Variants in NOTCH3 observed in about 807,000 individuals in gnomAD.
NOTCH3 encodes notch receptor 3.
Under a neutral mutation model 213.3 loss-of-function variants are expected in NOTCH3, and 86 were observed. The observed-to-expected ratio is 0.40, with a 90% CI of 0.34 to 0.48. The LOEUF (loss-of-function observed/expected upper bound fraction) is 0.48. Among genes scored for constraint, NOTCH3 ranks in the 20% least tolerant of loss-of-function variants. The pLI, the probability that NOTCH3 is intolerant of heterozygous loss-of-function variation, is 0.57. For missense variants in NOTCH3, 2,783 were observed against 3,272.6 expected (o/e 0.85, Z 3.65); for synonymous variants, 1,354 against 1,355.9 (o/e 1.00, Z 0.03).
rs10406745 is a variant in NOTCH3, at chr19:15,185,592, C to G, written c.2039G>C (p.Arg680Pro). ...CAAGGAGCCAGGCGGGCAGAGGCAG[C>G]GGAAGCCATTTTCCCCATCCACACA... ...GSCVDGENGF[R>P]CLCPPGSLPP... is the part of the protein sequence containing the mutation. Residue 680 changes from arginine to proline, a missense_variant, in exon 13 of 33, where the codon CGC (arginine) becomes CCC (proline). Around this residue, in one of 6 missense-constraint regions of NOTCH3, gnomAD observed 861 missense variants for 909.1 expected, o/e 0.95. Coordinates refer to ENST00000263388, the MANE Select transcript of NOTCH3 (RefSeq NM_000435.3). This position sits in a 1 kb window ranked among gnomAD's most constrained non-coding sequence, Gnocchi z 4.2. The G allele has an allele frequency of 3.7e-6, 6 of 1,613,490 alleles. No homozygotes were observed. Among genetic ancestry groups the G allele is most frequent in the Non-Finnish European group, 5.1e-6 (6 of 1,180,006 alleles).
rs1463936723 is a variant in NOTCH3 at position 15,159,343 on chromosome 19, C to G, written c.*1319G>C. 1.2e-5 allele frequency: 2 copies of G among 162,904 alleles called. No individual in the cohort carries two copies. Among genetic ancestry groups the G allele is most frequent in the Non-Finnish European group, 2.7e-5 (2 of 74,286 alleles). The allele number at this position is 162,904 out of a possible 1,614,324, so 10.1% of individuals were successfully genotyped here. A position where few individuals can be genotyped will look rare whatever the true frequency, so the allele number is the denominator to read the frequency against. ...TCTTTGCCCACCACCTCGAATTGGCCACTGATATTTCTAAATCTGATTGTG... is the reference window on the plus strand; with the variant it reads ...TCTTTGCCCACCACCTCGAATTGGCGACTGATATTTCTAAATCTGATTGTG... On this transcript the variant is annotated 3_prime_UTR_variant, in exon 33 of 33. Transcript: ENST00000263388.
At position 15,171,643 on chromosome 19, in the gene NOTCH3, C is replaced by T. The variant is rs181890716; in HGVS notation, c.4737-818G>A. ...CTCCCAATGTGCTGGGTTTACAGGC[C>T]TGGGCCACTACGCCCAGCCAAGGGA... On this transcript the variant is annotated intron_variant, in intron 25 of 32. Transcript: ENST00000263388. Among the ~76,000 whole-genome samples, 607 of 152,234 alleles carry T rather than the reference C, an allele frequency of 4.0e-3. 7 individuals carry two copies. Among genetic ancestry groups the T allele is most frequent in the Middle Eastern group, 0.02 (6 of 294 alleles).
Position 15,170,344 on chromosome 19 carries a change from C to T in NOTCH3, c.5101G>A (p.Ala1701Thr). Residue 1701 changes from alanine to threonine, a missense_variant, in exon 27 of 33, where the codon GCG becomes ACG. By Grantham distance (58) the Ala-to-Thr change is moderately conservative. Transcript: ENST00000263388. ...CAGGGTTCTCACTTCATGCCCAGCG[C>T]GTCCTGGCCCACGGGTTCCCGCCGG... is the stretch of plus-strand genomic sequence containing the variant. ...KGRREPVGQD[A>T]LGMKNMAKGE... The T allele has an allele frequency of 4.3e-6, 7 of 1,613,234 alleles. No homozygotes were observed. Among genetic ancestry groups the T allele is most frequent in the Non-Finnish European group, 5.9e-6 (7 of 1,179,818 alleles).
Position 15,178,839 on chromosome 19 carries a change from G to A in NOTCH3, c.3821C>T (p.Thr1274Ile), listed in dbSNP as rs764309761. Reference sequence around the variant, plus strand: ...CACACCTACCTGGGCACAGTGACAGGTGAAGGTCAGCCCACCCCCAGGACC... The same window carrying A: ...CACACCTACCTGGGCACAGTGACAGATGAAGGTCAGCCCACCCCCAGGACC... The part of the protein sequence containing the change: ...SPGPGGGLTF[T>I]CHCAQPFWGP... Residue 1274 changes from threonine to isoleucine, a missense_variant, in exon 23 of 33, where the codon ACC becomes ATC. By Grantham distance (89) the Thr-to-Ile change is moderately conservative (BLOSUM62 -1). Coordinates refer to ENST00000263388, the MANE Select transcript of NOTCH3 (RefSeq NM_000435.3). 1.2e-5 allele frequency: 19 copies of A among 1,598,056 alleles called. No homozygotes were observed. The South Asian group carries it at 1.6e-4, about 13-fold the overall frequency.
intron 6 of NOTCH3, among the ~76,000 whole-genome samples, chr19:15,190,237 G>A (rs1007321648): frequency 6.6e-6 from 1 of 152,138 alleles, no homozygotes; most frequent in African/African-American, 2.4e-5. Flanking sequence ...TCATGCCACT[G>A]TACTCCAGCC....
At chr19:15,167,475 G>A in intron 28 of NOTCH3, 64 bp from the exon 29 acceptor site, 2 of 1,515,500 alleles carry the variant, frequency 1.3e-6, no homozygotes, top group Non-Finnish European at 1.8e-6. Context: ...GCCACTGCCA[G>A]GGATGGGGCT....
intron 28 of NOTCH3, 99 bp downstream of exon 28, chr19:15,169,987 G>C (rs979118235): frequency 4.3e-6 from 3 of 705,772 alleles, no homozygotes; most frequent in Non-Finnish European, 7.7e-6. Context: ...GGACAGCGGT[G>C]CCATCCCCTG....
At chr19:15,171,070 A>G (rs2046729879) in intron 25 of NOTCH3, among the ~76,000 whole-genome samples, 1 of 152,218 alleles carries the variant, frequency 6.6e-6, no homozygotes, top group African/African-American at 2.4e-5. Flanking sequence ...TCTTGCACCG[A>G]GGCTGGAGTG....
Position 15,191,876 on chromosome 19 carries a change from G to T in NOTCH3, c.680-9C>A. ...ATTCTGACCCTCAAACCCTAGCAGG[G>T]AAGGGGGCAAGGATGGTCACCGCCG... On this transcript the variant is annotated splice_polypyrimidine_tract_variant and intron_variant, in intron 4 of 32. Coordinates refer to ENST00000263388, the MANE Select transcript of NOTCH3 (RefSeq NM_000435.3). The T allele has an allele frequency of 6.2e-7, 1 of 1,613,914 alleles. No homozygotes were observed. The highest frequency in any genetic ancestry group is 8.5e-7 in the Non-Finnish European group (1 of 1,180,046).
intron 28 of NOTCH3, among the ~76,000 whole-genome samples, chr19:15,168,368 C>T (rs1403401273): frequency 1.3e-5 from 2 of 152,092 alleles, no homozygotes; most frequent in Non-Finnish European, 2.9e-5. Context: ...CATTTCACAA[C>T]ATTAAAATAT....
chr19:15,193,681 G>A (rs554436333), intron 2 of NOTCH3, among the ~76,000 whole-genome samples: 1 of 149,384 alleles, frequency 6.7e-6, no homozygotes, highest in Non-Finnish European at 1.5e-5. Context: ...TGAGGCAGGA[G>A]AATCGCTTGA....
rs372869012 is a variant in NOTCH3 at position 15,187,343 on chromosome 19, G to T, written c.1607-5C>A. Reference sequence around the variant, plus strand: ...CACACAGCGTGCCCTCAAAGCCTGTGGGGCCAAGAGGGTCAGGCTCCGCCC... The same window carrying T: ...CACACAGCGTGCCCTCAAAGCCTGTTGGGCCAAGAGGGTCAGGCTCCGCCC... On this transcript the variant is annotated splice_polypyrimidine_tract_variant and splice_region_variant and intron_variant, in intron 10 of 32. Transcript: ENST00000263388. 237 of 1,611,474 alleles carry T rather than the reference G, an allele frequency of 1.5e-4. No individual in the cohort carries two copies. The African/African-American group carries it at 2.3e-3, about 16-fold the overall frequency.
rs2145435082 is a variant in NOTCH3 at position 15,188,344 on chromosome 19, G to A, written c.1383C>T (p.Phe461=). The change falls in exon 9 of 33, where the codon TTC becomes TTT. Residue 461 remains phenylalanine (F), a synonymous_variant. Transcript: ENST00000263388. ...TGTCCACCTCGCAATAGGTTCCTGT[G>A]AAGCCTGGGGCAGGGAATAGGGCTT... ...GQFTCICMAG[F]TGTYCEVDID... is the part of the protein sequence containing the mutation. 6.3e-7 allele frequency: 1 copy of A among 1,598,488 alleles called. No individual in the cohort carries two copies.
intron 6 of NOTCH3, among the ~76,000 whole-genome samples, chr19:15,190,387 C>T (rs1465376649): frequency 6.6e-6 from 1 of 152,194 alleles, no homozygotes; most frequent in Non-Finnish European, 1.5e-5. Context: ...TACCCTCTGC[C>T]ATGTATGCCC....
At chr19:15,200,682 G>C (rs911453541) in intron 1 of NOTCH3, 106 bp downstream of exon 1, 1 of 896,174 alleles carries the variant, frequency 1.1e-6, no homozygotes, top group Non-Finnish European at 1.4e-6. Flanking sequence ...CCCCTTCCCC[G>C]ACCCTGGTTC....
intron 1 of NOTCH3, among the ~76,000 whole-genome samples, chr19:15,200,407 C>G (rs958886830): frequency 6.6e-6 from 1 of 151,892 alleles, no homozygotes; most frequent in African/African-American, 2.4e-5. Context: ...CGAGAGGTCC[C>G]CGGCCTAGAA....
rs200112990 is a variant in NOTCH3 at position 15,185,903 on chromosome 19, TTTC to T, written c.1952-227_1952-225del. ...TTCCATGAAGTCCCTTTCTTTTTCT[TTTC>T]TTCTTCTTCTTATTTTTTGAGATGG... On this transcript the variant is annotated intron_variant, in intron 12 of 32. Coordinates refer to ENST00000263388, the MANE Select transcript of NOTCH3 (RefSeq NM_000435.3). This position sits in a 1 kb window ranked among gnomAD's most constrained non-coding sequence, Gnocchi z 4.2. Among the ~76,000 whole-genome samples the T allele has an allele frequency of 0.029, 4,343 of 152,146 alleles. 93 individuals are homozygous for T. Among genetic ancestry groups the T allele is most frequent in the Non-Finnish European group, 0.046 (3,120 of 67,982 alleles).
At position 15,180,943 on chromosome 19, in the gene NOTCH3, CCCAGTAACTCCACCCA is replaced by C; in HGVS notation, c.2994+2_2994+17del. On this transcript the variant is annotated splice_donor_variant and splice_donor_5th_base_variant and intron_variant, in intron 18 of 32. Transcript: ENST00000263388. LOFTEE classifies it high-confidence loss of function. ...CCCAGGCAGGCTCCTCCCCCAGGTC[CCCAGTAACTCCACCCA>C]CCTGGCACTGCGGGCCCGTGAAGCT... 1 of 1,585,794 alleles carries C rather than the reference CCCAGTAACTCCACCCA, an allele frequency of 6.3e-7. No homozygotes were observed.
At position 15,170,702 on chromosome 19, in the gene NOTCH3, C is replaced by T. The variant is rs2046726363; in HGVS notation, c.4860G>A (p.Leu1620=). Residue 1620 remains leucine (L), a synonymous_variant, in exon 26 of 33, where the codon CTG becomes CTA. Coordinates refer to ENST00000263388, the MANE Select transcript of NOTCH3 (RefSeq NM_000435.3). ...YLGALSAVER[L]DFPYPLRDVR... is the part of the protein sequence containing the mutation. The stretch of plus-strand genomic sequence containing the variant: ...CGTCCCGCAGTGGGTACGGGAAGTC[C>T]AGGCGCTCCACCGCTGACAACGCTC... The T allele has an allele frequency of 5.0e-6, 8 of 1,594,702 alleles. No homozygotes were observed. The highest frequency in any genetic ancestry group is 6.8e-6 in the Non-Finnish European group (8 of 1,171,480).
Sources: gnomAD v4.1 joint callset for allele counts (sites outside exome capture counted in the v4.1 genomes callset) on GRCh38, gnomAD v4.1.1 for gene constraint, gnomAD v4.1.1 regional missense constraint, Gnocchi (gnomAD v3.1) non-coding constraint, MANE v1.5 for transcripts, NCBI Gene and HGNC (gene_info 2026-07-23, HGNC 2026-07-21) for gene names.